KLHL14: variants seen among roughly 807,000 people sequenced by gnomAD.
KLHL14 encodes the protein kelch-like protein 14.
KLHL14 carries 22 observed loss-of-function variants against 64.3 expected under a neutral mutation model. The observed-to-expected ratio is 0.34, with a 90% CI of 0.24 to 0.49. KLHL14 has a LOEUF of 0.49. KLHL14 is among the 20% of genes least tolerant of loss of function. KLHL14 has a pLI of 0.99. For missense variants in KLHL14, 661 were observed against 789.0 expected (o/e 0.84, Z 1.94); for synonymous variants, 322 against 333.4 (o/e 0.97, Z 0.37).
intron 3 of KLHL14, among the ~76,000 whole-genome samples, chr18:32,730,973 C>G (rs1427847158): frequency 2.6e-5 from 4 of 152,140 alleles, no homozygotes; most frequent in Non-Finnish European, 5.9e-5. Flanking sequence ...CTCAGCACTC[C>G]CCTTTCACAA....
intron 2 of KLHL14, among the ~76,000 whole-genome samples, chr18:32,754,171 G>A (rs2050270392): frequency 6.6e-6 from 1 of 152,196 alleles, no homozygotes; most frequent in African/African-American, 2.4e-5. Flanking sequence ...ATAGCCTAGT[G>A]ACGAAAGGAG....
intron 3 of KLHL14, among the ~76,000 whole-genome samples, chr18:32,700,982 G>A (rs180806327): frequency 1.3e-5 from 2 of 152,282 alleles, no homozygotes; most frequent in Admixed American, 6.5e-5. Context: ...ACAGCAAGAA[G>A]ACCAGAACAC....
At chr18:32,744,821 G>T (rs1268261917) in intron 2 of KLHL14, 1 of 152,174 alleles carries the variant, frequency 6.6e-6, no homozygotes, top group Non-Finnish European at 1.5e-5. Context: ...TAGTGTCTTT[G>T]TTCTCTTGCC....
intron 5 of KLHL14, among the ~76,000 whole-genome samples, chr18:32,686,667 A>G (rs1049938127): frequency 1.3e-5 from 2 of 152,172 alleles, no homozygotes; most frequent in Non-Finnish European, 2.9e-5. Flanking sequence ...TACTATTGAG[A>G]TGTTAAAGTT....
intron 2 of KLHL14, among the ~76,000 whole-genome samples, chr18:32,760,895 GC>G (rs1328253217): frequency 6.6e-6 from 1 of 152,156 alleles, no homozygotes; most frequent in Non-Finnish European, 1.5e-5. Flanking sequence ...TCCTTCTGAT[GC>G]CCTTGGTTTC....
chr18:32,751,020 G>A (rs1423330995), intron 2 of KLHL14, among the ~76,000 whole-genome samples: 3 of 151,880 alleles, frequency 2.0e-5, no homozygotes, highest in African/African-American at 7.3e-5. Flanking sequence ...ATTTCATTTG[G>A]GGGATAAAAG....
At chr18:32,689,363 G>C (rs1477324469) in intron 4 of KLHL14, among the ~76,000 whole-genome samples, 1 of 152,164 alleles carries the variant, frequency 6.6e-6, no homozygotes, top group African/African-American at 2.4e-5. Context: ...AGAATGCTCA[G>C]AGATAGGGGG....
chr18:32,704,764 C>A (rs574178670), intron 3 of KLHL14, among the ~76,000 whole-genome samples: 1 of 152,034 alleles, frequency 6.6e-6, no homozygotes, highest in Admixed American at 6.6e-5. Flanking sequence ...TCATTTCATT[C>A]AAAAATATGT....
intron 2 of KLHL14, among the ~76,000 whole-genome samples, chr18:32,751,778 T>G (rs187983833): frequency 3.3e-5 from 5 of 152,330 alleles, no homozygotes; most frequent in African/African-American, 1.2e-4. Context: ...AAGAACTTAC[T>G]ACATAGTAGG....
chr18:32,769,354 C>T (rs533075248), intron 2 of KLHL14, among the ~76,000 whole-genome samples: 1 of 152,306 alleles, frequency 6.6e-6, no homozygotes, highest in East Asian at 1.9e-4. Flanking sequence ...GCCCCATCTG[C>T]CTGTCAATTT....
At chr18:32,693,909 C>A (rs1318065984) in intron 4 of KLHL14, among the ~76,000 whole-genome samples, 1 of 152,180 alleles carries the variant, frequency 6.6e-6, no homozygotes, top group Non-Finnish European at 1.5e-5. Flanking sequence ...GTTCCCCCCA[C>A]CCAATTCTCT....
chr18:32,748,412 G>A (rs1016164726), intron 2 of KLHL14, among the ~76,000 whole-genome samples: 1 of 150,682 alleles, frequency 6.6e-6, no homozygotes, highest in South Asian at 2.1e-4. Flanking sequence ...CTCTGTCACC[G>A]AGGCTGGAGC....
At chr18:32,702,106 TTA>T (rs771750501) in intron 3 of KLHL14, among the ~76,000 whole-genome samples, 3 of 152,184 alleles carry the variant, frequency 2.0e-5, no homozygotes, top group Non-Finnish European at 2.9e-5. Flanking sequence ...TTGATATAAT[TTA>T]TGTTACTTAT....
At chr18:32,750,080 C>T (rs765911675) in intron 2 of KLHL14, among the ~76,000 whole-genome samples, 1 of 151,106 alleles carries the variant, frequency 6.6e-6, no homozygotes, top group Non-Finnish European at 1.5e-5. Flanking sequence ...TCTCCTCTCT[C>T]TTCTTATAAA....
Position 32,770,499 on chromosome 18 carries a change from C to G in KLHL14, c.93G>C (p.Leu31=), listed in dbSNP as rs142625977. 10 of 1,611,616 alleles carry G rather than the reference C, an allele frequency of 6.2e-6. No individual in the cohort carries two copies. Among genetic ancestry groups the G allele is most frequent in the African/African-American group, 1.3e-5 (1 of 74,836 alleles). The change falls in exon 2 of 9, where the codon CTG becomes CTC. Residue 31 remains leucine, a synonymous_variant. Transcript: ENST00000359358. The surrounding 1 kb of genome is among the most constrained non-coding windows in gnomAD (Gnocchi z 6.7). ...HGLNLLWRKQ[L]FCDVTLTAQG... ...GGGCCGTCAGGGTCACGTCGCAAAA[C>G]AGCTGCTTCCTCCACAGCAGGTTGA...
intron 3 of KLHL14, among the ~76,000 whole-genome samples, chr18:32,721,798 G>A (rs147426377): frequency 6.6e-6 from 1 of 152,262 alleles, no homozygotes; most frequent in African/African-American, 2.4e-5. Context: ...CACAACGATA[G>A]TGAACCCGCC....
chr18:32,728,700 G>T (rs1488700474), intron 3 of KLHL14, among the ~76,000 whole-genome samples: 1 of 152,116 alleles, frequency 6.6e-6, no homozygotes, highest in Non-Finnish European at 1.5e-5. Context: ...AAAAAAGGAT[G>T]CATTTTTGCC....
intron 3 of KLHL14, among the ~76,000 whole-genome samples, chr18:32,701,120 T>C (rs910027194): frequency 2.6e-5 from 4 of 152,154 alleles, no homozygotes; most frequent in Non-Finnish European, 5.9e-5. Context: ...CAGTATTCCA[T>C]TTGATGGGCA....
chr18:32,714,440 T>C (rs2050034838), intron 3 of KLHL14, among the ~76,000 whole-genome samples: 1 of 152,198 alleles, frequency 6.6e-6, no homozygotes, highest in African/African-American at 2.4e-5. Context: ...TTAATTCTGG[T>C]ACTAAGAAGG....
Sources: allele counts gnomAD v4.1 joint callset (sites outside exome capture counted in the v4.1 genomes callset), GRCh38; gene constraint gnomAD v4.1.1; non-coding constraint Gnocchi (gnomAD v3.1); transcripts MANE v1.5; gene names NCBI Gene and HGNC (gene_info 2026-07-23, HGNC 2026-07-21).